Variants in IRAK1BP1 observed in about 807,000 individuals in gnomAD.
The protein encoded by IRAK1BP1 is interleukin 1 receptor associated kinase 1 binding protein 1.
A neutral mutation model predicts 28.0 loss-of-function variants in IRAK1BP1; 24 were observed. The ratio of observed to expected loss-of-function variants is 0.86; its 90% CI spans 0.62 to 1.20. The LOEUF is 1.20. IRAK1BP1 is among the 50% of genes most tolerant of loss of function. The pLI is 0.00. For missense variants in IRAK1BP1, 336 were observed against 316.7 expected (o/e 1.06, Z -0.46); for synonymous variants, 131 against 116.3 (o/e 1.13, Z -0.81).
chr6:78,888,069 A>G (rs562284250), intron 2 of IRAK1BP1, among the ~76,000 whole-genome samples: 9 of 152,332 alleles, frequency 5.9e-5, no homozygotes, highest in Admixed American at 2.6e-4. Context: ...CTATGCCTGC[A>G]AGACATTATG....
chr6:78,876,136 G>T (rs75571709), intron 1 of IRAK1BP1, among the ~76,000 whole-genome samples: 2 of 152,108 alleles, frequency 1.3e-5, no homozygotes, highest in African/African-American at 4.8e-5. Context: ...AACTATGGGG[G>T]CAGTTTCCTC....
intron 2 of IRAK1BP1, among the ~76,000 whole-genome samples, chr6:78,886,491 CA>C (rs1361717491): frequency 6.6e-6 from 1 of 152,096 alleles, no homozygotes. Context: ...AAATACCTTT[CA>C]AAACAGTATG....
intron 1 of IRAK1BP1, among the ~76,000 whole-genome samples, chr6:78,878,627 A>G (rs1322358689): frequency 6.6e-6 from 1 of 152,236 alleles, no homozygotes; most frequent in Non-Finnish European, 1.5e-5. Flanking sequence ...CAGCAACAGA[A>G]CAAAGCTGGA....
downstream of IRAK1BP1, among the ~76,000 whole-genome samples, chr6:78,903,349 G>T (rs556551284): frequency 5.9e-4 from 89 of 152,076 alleles, 1 homozygote; most frequent in South Asian, 7.5e-3. Flanking sequence ...AAATTAGCTG[G>T]GTGTGGTGGC....
chr6:78,867,908 G>C lies in IRAK1BP1; in HGVS notation c.315+17G>C. On this transcript the variant is annotated intron_variant, in intron 1 of 3. Coordinates refer to ENST00000369940, the MANE Select transcript of IRAK1BP1 (RefSeq NM_001010844.4). ...GGCGTGCAGGTGAGATCTCCGCGGG[G>C]GAGGAAATAAGAGCCGGAAGACACA... The C allele has an allele frequency of 2.6e-6, 4 of 1,550,352 alleles. No homozygotes were observed. The highest frequency in any genetic ancestry group is 3.5e-6 in the Non-Finnish European group (4 of 1,146,972).
chr6:78,924,054 G>T (rs1772819560), intron 4 of IRAK1BP1, among the ~76,000 whole-genome samples: 1 of 152,082 alleles, frequency 6.6e-6, no homozygotes, highest in Non-Finnish European at 1.5e-5. Flanking sequence ...CAGAAGGCAA[G>T]AAATAACTAA....
At chr6:78,912,355 C>CA (rs1260980323) in intron 4 of IRAK1BP1, among the ~76,000 whole-genome samples, 8 of 151,882 alleles carry the variant, frequency 5.3e-5, no homozygotes, top group Non-Finnish European at 8.8e-5. Context: ...TGTGTAGCAT[C>CA]AAAAAAATTG....
chr6:78,971,000 A>T, the IRAK1BP1 span: 1 of 684,828 alleles, frequency 1.5e-6, no homozygotes, highest in South Asian at 1.9e-5. Context: ...AGCTAATAGA[A>T]ATTCTAATAT....
At chr6:78,970,536 T>G in the IRAK1BP1 span, among the ~76,000 whole-genome samples, 2 of 152,200 alleles carry the variant, frequency 1.3e-5, no homozygotes, top group East Asian at 3.8e-4. Context: ...ACTTATTACC[T>G]AATTTTCACT....
At chr6:78,882,699 A>G (rs1205783209) in intron 1 of IRAK1BP1, among the ~76,000 whole-genome samples, 1 of 152,188 alleles carries the variant, frequency 6.6e-6, no homozygotes, top group African/African-American at 2.4e-5. Flanking sequence ...GAGGAGACTA[A>G]GGAGACTTGA....
intron 4 of IRAK1BP1, among the ~76,000 whole-genome samples, chr6:78,922,432 C>T (rs1020054127): frequency 6.6e-6 from 1 of 152,048 alleles, no homozygotes; most frequent in Non-Finnish European, 1.5e-5. Flanking sequence ...GTGAAAAGAC[C>T]AAATCTACAT....
At chr6:78,932,788 C>T (rs973416219) in intron 4 of IRAK1BP1, among the ~76,000 whole-genome samples, 8 of 152,098 alleles carry the variant, frequency 5.3e-5, no homozygotes, top group Admixed American at 1.3e-4. Context: ...AGGTGCAGAA[C>T]GGATGTTGTG....
intron 4 of IRAK1BP1, among the ~76,000 whole-genome samples, chr6:78,916,016 T>C (rs551821017): frequency 1.3e-5 from 2 of 152,288 alleles, no homozygotes; most frequent in East Asian, 1.9e-4. Flanking sequence ...CAGAGATTTA[T>C]TGAAAACAAA....
chr6:78,964,839 G>T, the IRAK1BP1 span, among the ~76,000 whole-genome samples: 1 of 152,060 alleles, frequency 6.6e-6, no homozygotes, highest in Non-Finnish European at 1.5e-5. Flanking sequence ...TAACGTAAAA[G>T]AATTTATGAA....
At chr6:78,926,921 A>G (rs1311185151) in intron 4 of IRAK1BP1, among the ~76,000 whole-genome samples, 1 of 152,098 alleles carries the variant, frequency 6.6e-6, no homozygotes, top group African/African-American at 2.4e-5. Context: ...GTGTATATGT[A>G]CCACATTTTG....
At chr6:78,942,414 C>T (rs774659143) in intron 4 of IRAK1BP1, among the ~76,000 whole-genome samples, 1 of 152,070 alleles carries the variant, frequency 6.6e-6, no homozygotes, top group Non-Finnish European at 1.5e-5. Flanking sequence ...ACCCAGGAGG[C>T]GGAGGTTGCA....
At chr6:78,916,175 A>T (rs1772554352) in intron 4 of IRAK1BP1, among the ~76,000 whole-genome samples, 1 of 152,148 alleles carries the variant, frequency 6.6e-6, no homozygotes, top group Non-Finnish European at 1.5e-5. Flanking sequence ...GAAGTTATAA[A>T]GTTATTTTCT....
At chr6:78,889,650 G>A (rs751376341) in intron 2 of IRAK1BP1, among the ~76,000 whole-genome samples, 8 of 151,210 alleles carry the variant, frequency 5.3e-5, no homozygotes, top group South Asian at 2.1e-4. Context: ...ACATTTATGC[G>A]GCCAGCAAAC....
chr6:78,925,861 A>G (rs1405362600), intron 4 of IRAK1BP1, among the ~76,000 whole-genome samples: 1 of 152,220 alleles, frequency 6.6e-6, no homozygotes, highest in Non-Finnish European at 1.5e-5. Flanking sequence ...ATGCAGCCAT[A>G]ATAAAGAACA....
Sources: gnomAD v4.1 joint callset for allele counts (sites outside exome capture counted in the v4.1 genomes callset) on GRCh38, gnomAD v4.1.1 for gene constraint, MANE v1.5 for transcripts, NCBI Gene and HGNC (gene_info 2026-07-23, HGNC 2026-07-21) for gene names.